Variants in PLD5 observed in about 807,000 individuals in gnomAD.
PLD5 encodes inactive phospholipase D5.
PLD5 carries 36 observed loss-of-function variants against 61.1 expected under a neutral mutation model. That is an observed-to-expected ratio of 0.59 (90% confidence interval 0.45 to 0.78). The LOEUF (loss-of-function observed/expected upper bound fraction) is 0.78, where lower values mean the gene tolerates loss of function less well. Ranked by LOEUF, PLD5 falls within the 30% of genes least tolerant of loss-of-function variation. The pLI is 0.00. For missense variants in PLD5, 515 were observed against 644.4 expected, an observed-to-expected ratio of 0.80 and a Z score of 2.17; for synonymous variants, 243 against 242.8, an observed-to-expected ratio of 1.00 and a Z score of -0.01.
At chr1:242,180,434 T>C (rs1667447440) in intron 5 of PLD5, among the ~76,000 whole-genome samples, 1 of 152,026 alleles carries the variant, frequency 6.6e-6, no homozygotes, top group African/African-American at 2.4e-5. Context: ...TCCCTCCCTG[T>C]GGTATCAATG....
intron 5 of PLD5, among the ~76,000 whole-genome samples, chr1:242,160,345 T>C (rs1027692573): frequency 2.0e-5 from 3 of 152,038 alleles, no homozygotes; most frequent in African/African-American, 7.3e-5. Context: ...TATTTAGAAA[T>C]AACTATTTGA....
intron 3 of PLD5, among the ~76,000 whole-genome samples, chr1:242,275,962 G>A (rs316905): frequency 0.56 from 85,681 of 151,924 alleles, 24,318 homozygotes; most frequent in African/African-American, 0.61. Flanking sequence ...TGCAAATTGG[G>A]GAATGATAGT....
At chr1:242,250,650 A>G (rs1672649150) in intron 4 of PLD5, among the ~76,000 whole-genome samples, 1 of 152,228 alleles carries the variant, frequency 6.6e-6, no homozygotes, top group South Asian at 2.1e-4. Flanking sequence ...GTTATGTACT[A>G]CTTTATCCTA....
chr1:242,346,017 C>T (rs576301856), intron 2 of PLD5, among the ~76,000 whole-genome samples: 2 of 104,584 alleles, frequency 1.9e-5, no homozygotes, highest in African/African-American at 7.7e-5. Context: ...AAGATCTCCC[C>T]CCCCCCCATA....
intron 1 of PLD5, among the ~76,000 whole-genome samples, chr1:242,391,242 G>T (rs1662913402): frequency 6.6e-6 from 1 of 152,150 alleles, no homozygotes; most frequent in African/African-American, 2.4e-5. Flanking sequence ...TCTGTCTGTA[G>T]TATCTGTGTC....
intron 5 of PLD5, among the ~76,000 whole-genome samples, chr1:242,166,675 T>G (rs1666327738): frequency 2.6e-5 from 4 of 152,232 alleles, no homozygotes; most frequent in African/African-American, 7.2e-5. Flanking sequence ...TCCTCGCATA[T>G]CACTAATAGT....
At chr1:242,157,929 C>T (rs548485802) in intron 5 of PLD5, among the ~76,000 whole-genome samples, 5 of 152,330 alleles carry the variant, frequency 3.3e-5, no homozygotes, top group East Asian at 3.9e-4. Flanking sequence ...GTCCCTTCCC[C>T]CAGGTGCCCT....
At chr1:242,273,006 C>T (rs963237025) in intron 3 of PLD5, among the ~76,000 whole-genome samples, 11 of 151,928 alleles carry the variant, frequency 7.2e-5, no homozygotes, top group Non-Finnish European at 1.2e-4. Flanking sequence ...TTTGCTGCAC[C>T]TGTCAACCCA....
chr1:242,490,835 G>A (rs1156913834), intron 1 of PLD5, among the ~76,000 whole-genome samples: 1 of 150,558 alleles, frequency 6.6e-6, no homozygotes, highest in Non-Finnish European at 1.5e-5. Context: ...AGTAGACCCT[G>A]GGGTTCCGAA....
chr1:242,317,218 T>C (rs1346599901), intron 2 of PLD5, among the ~76,000 whole-genome samples: 4 of 152,140 alleles, frequency 2.6e-5, no homozygotes, highest in Non-Finnish European at 5.9e-5. Flanking sequence ...TTTCGCCATG[T>C]TGTCTAGACT....
chr1:242,093,633 C>T (rs1330443369), intron 9 of PLD5, among the ~76,000 whole-genome samples: 2 of 152,122 alleles, frequency 1.3e-5, no homozygotes, highest in African/African-American at 2.4e-5. Context: ...TTTACTTGTA[C>T]TCCATGTTGC....
At chr1:242,246,588 G>A (rs379338) in intron 4 of PLD5, among the ~76,000 whole-genome samples, 84,866 of 151,762 alleles carry the variant, frequency 0.56, 25,112 homozygotes, top group Admixed American at 0.69. Context: ...GTTTTCACAT[G>A]TGTAAAACTA....
intron 4 of PLD5, among the ~76,000 whole-genome samples, chr1:242,247,864 T>G (rs890133746): frequency 6.6e-6 from 1 of 152,230 alleles, no homozygotes; most frequent in African/African-American, 2.4e-5. Flanking sequence ...ATAATCTTTG[T>G]GAACCTAACT....
intron 2 of PLD5, among the ~76,000 whole-genome samples, chr1:242,325,385 GGAGA>G (rs1375105356): frequency 7.0e-6 from 1 of 143,762 alleles, no homozygotes; most frequent in Non-Finnish European, 1.5e-5. Context: ...GGAGAGAGAG[GGAGA>G]GAGAGAGAGT....
chr1:242,493,572 C>T (rs1248608249), intron 1 of PLD5, among the ~76,000 whole-genome samples: 3 of 152,184 alleles, frequency 2.0e-5, no homozygotes, highest in Non-Finnish European at 4.4e-5. Context: ...GCCCTCGCCG[C>T]CACCTCCAAA....
At position 242,493,299 on chromosome 1, in the gene PLD5, AC is replaced by A. The variant is rs955841092; in HGVS notation, c.189+30788del. On this transcript the variant is annotated intron_variant, in intron 1 of 9. Coordinates refer to ENST00000536534, the MANE Select transcript of PLD5 (RefSeq NM_001372062.1). Reference sequence around the variant, plus strand: ...ACTATTAAAAAGAAAAAACTGGGAAACCCCACAAGATGAAGGGGTTGGCCCA... The same window carrying A: ...ACTATTAAAAAGAAAAAACTGGGAAACCCACAAGATGAAGGGGTTGGCCCA... Among the ~76,000 whole-genome samples, 88 of 152,150 alleles carry A rather than the reference AC, an allele frequency of 5.8e-4. 2 individuals carry two copies. The highest frequency in any genetic ancestry group is 2.1e-3 in the African/African-American group (88 of 41,500).
intron 1 of PLD5, among the ~76,000 whole-genome samples, chr1:242,496,253 GA>G (rs1187820157): frequency 4.0e-5 from 6 of 151,844 alleles, no homozygotes; most frequent in Non-Finnish European, 1.5e-5. Flanking sequence ...AGAAGAAAGG[GA>G]AAAAAAACCT....
At chr1:242,129,744 T>A (rs1663083985) in intron 5 of PLD5, among the ~76,000 whole-genome samples, 5 of 152,364 alleles carry the variant, frequency 3.3e-5, no homozygotes. Flanking sequence ...CATCATCACC[T>A]GGATAGTATA....
At chr1:242,433,700 G>A (rs7532884) in intron 1 of PLD5, among the ~76,000 whole-genome samples, 10,700 of 152,152 alleles carry the variant, frequency 0.07, 456 homozygotes, top group East Asian at 0.11. Flanking sequence ...TACTATGTCC[G>A]ATGGTAATAT....
Sources: allele counts gnomAD v4.1 joint callset (sites outside exome capture counted in the v4.1 genomes callset), GRCh38; gene constraint gnomAD v4.1.1; transcripts MANE v1.5; gene names NCBI Gene and HGNC (gene_info 2026-07-23, HGNC 2026-07-21).